The following SS18 variants were observed in gnomAD, a reference collection of about 807,000 sequenced individuals.
SS18 encodes the protein SS18 subunit of BAF chromatin remodeling complex, also known as protein SSXT.
SS18 carries 28 observed loss-of-function variants against 72.5 expected under a neutral mutation model. The ratio of observed to expected loss-of-function variants is 0.39; its 90% CI spans 0.29 to 0.53. The LOEUF (loss-of-function observed/expected upper bound fraction) is 0.53. SS18 is among the 20% of genes least tolerant of loss of function. The probability of loss-of-function intolerance (pLI) is 0.76; values close to 1 mark genes in which losing one functional copy is unlikely to be tolerated. For missense variants in SS18, 518 were observed against 535.3 expected (o/e 0.97, Z 0.32); for synonymous variants, 172 against 164.2 (o/e 1.05, Z -0.37).
chr18:26,067,704 C>T lies in SS18; in HGVS notation c.232-9962G>A, dbSNP rs145678005. Among the ~76,000 whole-genome samples the T allele has an allele frequency of 6.6e-5, 10 of 152,182 alleles. No individual in the cohort carries two copies. The East Asian group carries it at 1.9e-3, about 29-fold the overall frequency. ...CATTTAATGGGCGTGGTAAAGACGA[C>T]GAGCTGCGCAGCCAGAGAGAGAAAA... On this transcript the variant is annotated intron_variant, in intron 3 of 10. Coordinates refer to ENST00000415083, the MANE Select transcript of SS18 (RefSeq NM_001007559.3).
chr18:26,073,542 G>A (rs771874625), intron 3 of SS18, among the ~76,000 whole-genome samples: 4 of 152,186 alleles, frequency 2.6e-5, no homozygotes, highest in African/African-American at 9.6e-5. Context: ...CATTTATAAT[G>A]ATGGTACAAA....
intron 9 of SS18, among the ~76,000 whole-genome samples, chr18:26,034,472 C>A (rs2053594923): frequency 6.6e-6 from 1 of 152,010 alleles, no homozygotes; most frequent in African/African-American, 2.4e-5. Context: ...TACACTTCCC[C>A]CAAATTCTGT....
rs529287661 is a variant in SS18 at position 26,024,943 on chromosome 18, C to A, written c.1231-6563G>T. Among the ~76,000 whole-genome samples, 90 of 61,046 alleles carry A rather than the reference C, an allele frequency of 1.5e-3. No individual in the cohort carries two copies. The East Asian group carries it at 0.027, about 18-fold the overall frequency. The allele number at this position is 61,046 out of a possible 152,430, so 40.0% of individuals were successfully genotyped here. On this transcript the variant is annotated intron_variant, in intron 10 of 10. Coordinates refer to ENST00000415083, the MANE Select transcript of SS18 (RefSeq NM_001007559.3). ...TTGAAATATAATTTAAATATAAAAACAAATATGTTAAAGGATGAAAAATTA... is the reference window on the plus strand; with the variant it reads ...TTGAAATATAATTTAAATATAAAAAAAAATATGTTAAAGGATGAAAAATTA...
At chr18:26,067,891 C>T (rs1267023904) in intron 3 of SS18, among the ~76,000 whole-genome samples, 1 of 152,050 alleles carries the variant, frequency 6.6e-6, no homozygotes, top group Non-Finnish European at 1.5e-5. Context: ...GAGGGGCAGG[C>T]GAGGGATGAT....
At chr18:26,077,642 C>T (rs770286834) in intron 3 of SS18, among the ~76,000 whole-genome samples, 5 of 151,842 alleles carry the variant, frequency 3.3e-5, no homozygotes, top group Non-Finnish European at 5.9e-5. Context: ...TTTTAGATAA[C>T]GGATAAAAAT....
intron 2 of SS18, 52 bp from the exon 3 acceptor site, chr18:26,078,212 G>A: frequency 7.6e-7 from 1 of 1,323,918 alleles, no homozygotes; most frequent in Non-Finnish European, 1.1e-6. Context: ...CTTCCTACCT[G>A]CCTAAGTACA....
At chr18:26,061,268 G>C (rs755464956) in intron 3 of SS18, among the ~76,000 whole-genome samples, 1 of 152,156 alleles carries the variant, frequency 6.6e-6, no homozygotes, top group African/African-American at 2.4e-5. Flanking sequence ...AGCCGAGATC[G>C]TGCCACTGCA....
At chr18:26,039,610 AAAAT>A (rs2053689577) in intron 5 of SS18, among the ~76,000 whole-genome samples, 154 bp from the exon 6 acceptor site, 1 of 152,262 alleles carries the variant, frequency 6.6e-6, no homozygotes, top group South Asian at 2.1e-4. Context: ...TCTTTGAATT[AAAAT>A]TCACATGCCT....
intron 3 of SS18, among the ~76,000 whole-genome samples, chr18:26,058,015 G>A (rs2094604002): frequency 6.6e-6 from 1 of 151,922 alleles, no homozygotes; most frequent in Admixed American, 6.6e-5. Flanking sequence ...TTTCTAATGT[G>A]TCTATTATTA....
In SS18 at chr18:26,047,666, C is replaced by T. The variant is rs545295631; in HGVS notation, c.607+4958G>A. ...ACCATCCTGGCTAACACGGTGAAACCCCGTCTCTACCAAAAATACAAAAAA... is the reference window on the plus strand; with the variant it reads ...ACCATCCTGGCTAACACGGTGAAACTCCGTCTCTACCAAAAATACAAAAAA... On this transcript the variant is annotated intron_variant, in intron 5 of 10. Coordinates refer to ENST00000415083, the MANE Select transcript of SS18 (RefSeq NM_001007559.3). Among the ~76,000 whole-genome samples, 9 of 151,852 alleles carry T rather than the reference C, an allele frequency of 5.9e-5. 1 individual carries two copies. The South Asian group carries it at 1.9e-3, about 32-fold the overall frequency.
chr18:26,025,433 C>G (rs9952226), intron 10 of SS18, among the ~76,000 whole-genome samples: 9,521 of 151,940 alleles, frequency 0.063, 826 homozygotes, highest in African/African-American at 0.2. Flanking sequence ...TAAAATCGAG[C>G]TGCTTTTTGA....
chr18:26,025,568 TAAAG>T (rs879506157), intron 10 of SS18, among the ~76,000 whole-genome samples: 6 of 152,050 alleles, frequency 3.9e-5, no homozygotes, highest in East Asian at 1.9e-4. Flanking sequence ...TGAGCGATGA[TAAAG>T]AAATTATTCA....
intron 3 of SS18, among the ~76,000 whole-genome samples, chr18:26,076,279 A>G (rs1182422717): frequency 6.6e-6 from 1 of 151,854 alleles, no homozygotes; most frequent in Non-Finnish European, 1.5e-5. Context: ...TGGAAAAAAA[A>G]AAAAGGAATA....
In SS18 at chr18:26,090,603, G is replaced by C; in HGVS notation, c.-34C>G. 1 of 1,555,324 alleles carries C rather than the reference G, an allele frequency of 6.4e-7. No homozygotes were observed. The highest frequency in any genetic ancestry group is 8.7e-7 in the Non-Finnish European group (1 of 1,150,260). ...CGTCACCACTATCGGCAAGTCCCGA[G>C]CGCTCCGGGTGAACGGCAAACTGGG... is the stretch of plus-strand genomic sequence containing the variant. On this transcript the variant is annotated 5_prime_UTR_variant, in exon 1 of 11. Coordinates refer to ENST00000415083, the MANE Select transcript of SS18 (RefSeq NM_001007559.3).
intron 3 of SS18, among the ~76,000 whole-genome samples, chr18:26,073,541 T>A (rs1208444299): frequency 6.6e-6 from 1 of 152,238 alleles, no homozygotes; most frequent in African/African-American, 2.4e-5. Context: ...ACATTTATAA[T>A]GATGGTACAA....
Position 26,057,160 on chromosome 18 carries a change from GT to G in SS18, c.385+428del, listed in dbSNP as rs2054035968. 7.9e-5 allele frequency among the ~76,000 whole-genome samples: 12 copies of G among 152,154 alleles called. No homozygotes were observed. The South Asian group carries it at 2.1e-3, about 26-fold the overall frequency. On this transcript the variant is annotated intron_variant, in intron 4 of 10. Transcript: ENST00000415083. ...TAAATACACCAGCACTTCAGAGACT[GT>G]TTTCTTTCCCCATGTGTTTTTCCCA... is the stretch of plus-strand genomic sequence containing the variant.
At chr18:26,061,584 AAACT>A (rs1240862605) in intron 3 of SS18, among the ~76,000 whole-genome samples, 1 of 152,142 alleles carries the variant, frequency 6.6e-6, no homozygotes, top group Non-Finnish European at 1.5e-5. Context: ...AACAGCAATA[AAACT>A]AACAACTAAT....
rs1173972336 is a variant in SS18 at position 26,055,388 on chromosome 18, A to C, written c.385+2201T>G. On this transcript the variant is annotated intron_variant, in intron 4 of 10. Transcript: ENST00000415083. ...AGGATGAGGCAGGAGAATCGCTTGA[A>C]CCCGGGAGGCAGAGGTTGCAGTGAG... 2.0e-5 allele frequency among the ~76,000 whole-genome samples: 3 copies of C among 151,256 alleles called. No homozygotes were observed. In the East Asian group the frequency reaches 5.9e-4, roughly 30 times the overall value.
intron 5 of SS18, among the ~76,000 whole-genome samples, chr18:26,045,403 T>C (rs147683622): frequency 1.2e-4 from 18 of 152,302 alleles, no homozygotes; most frequent in African/African-American, 3.8e-4. Context: ...GTCTCCTTGC[T>C]ATACTTCAAA....
Sources: gnomAD v4.1 joint callset for allele counts (sites outside exome capture counted in the v4.1 genomes callset) on GRCh38, gnomAD v4.1.1 for gene constraint, MANE v1.5 for transcripts, NCBI Gene and HGNC (gene_info 2026-07-23, HGNC 2026-07-21) for gene names.